MYO1D: variants seen among roughly 807,000 people sequenced by gnomAD.
MYO1D encodes myosin ID.
Under a neutral mutation model 122.0 loss-of-function variants are expected in MYO1D, and 83 were observed. The observed-to-expected ratio is 0.68, with a 90% CI of 0.57 to 0.82. The LOEUF (loss-of-function observed/expected upper bound fraction) is 0.82. Ranked by LOEUF, MYO1D falls within the 40% of genes least tolerant of loss-of-function variation. The pLI is 0.00. For missense variants in MYO1D, 1,157 were observed against 1,269.5 expected (o/e 0.91, Z 1.35); for synonymous variants, 464 against 446.9 (o/e 1.04, Z -0.48).
At chr17:32,875,662 C>T (rs2091221533) in intron 1 of MYO1D, among the ~76,000 whole-genome samples, 1 of 152,154 alleles carries the variant, frequency 6.6e-6, no homozygotes, top group African/African-American at 2.4e-5. Flanking sequence ...AATGTAACAT[C>T]CTATCATTAT....
At chr17:32,732,501 C>A (rs150121713) in intron 14 of MYO1D, among the ~76,000 whole-genome samples, 2 of 152,056 alleles carry the variant, frequency 1.3e-5, no homozygotes, top group African/African-American at 2.4e-5. Flanking sequence ...GATGATGGGA[C>A]GACCTGCCTG....
At chr17:32,869,205 C>A (rs2091157218) in intron 1 of MYO1D, among the ~76,000 whole-genome samples, 1 of 150,366 alleles carries the variant, frequency 6.7e-6, no homozygotes, top group Non-Finnish European at 1.5e-5. Flanking sequence ...GGCAACAGAG[C>A]GAGGCCCTGT....
intron 19 of MYO1D, among the ~76,000 whole-genome samples, chr17:32,641,042 C>T (rs940368019): frequency 4.0e-5 from 6 of 151,130 alleles, no homozygotes; most frequent in African/African-American, 4.9e-5. Flanking sequence ...CCCATTAACT[C>T]GTCATTTAAA....
chr17:32,638,842 G>A lies in MYO1D; in HGVS notation c.2596-7C>T. ...CCTTACTAAATCGATTTACCTGTAA[G>A]AGAACAAACCAATAAACCATAGTAT... On this transcript the variant is annotated splice_polypyrimidine_tract_variant and splice_region_variant and intron_variant, in intron 19 of 21. Coordinates refer to ENST00000318217, the MANE Select transcript of MYO1D (RefSeq NM_015194.3). 6.3e-7 allele frequency: 1 copy of A among 1,579,404 alleles called. No homozygotes were observed.
In MYO1D at chr17:32,748,946, C is replaced by T. The variant is rs764917583; in HGVS notation, c.1528G>A (p.Gly510Ser). Residue 510 changes from glycine to serine, a missense_variant, in exon 12 of 22, where the codon GGC becomes AGC. Transcript: ENST00000318217. ...AGGTAAGATACTCACACTACATCGC[C>T]TGCATAATGTCGAATTCGAAAATCT... ...DRDFRIRHYA[G>S]DVVYSVIGFI... The T allele has an allele frequency of 3.1e-6, 5 of 1,613,302 alleles. No homozygotes were observed. The Admixed American group carries it at 5.0e-5, about 16-fold the overall frequency.
chr17:32,548,800 G>C (rs537009829), intron 21 of MYO1D, among the ~76,000 whole-genome samples: 27 of 149,248 alleles, frequency 1.8e-4, no homozygotes, highest in Non-Finnish European at 2.7e-4. Context: ...TGCAACCTCT[G>C]CCTCCCGGGT....
intron 1 of MYO1D, among the ~76,000 whole-genome samples, chr17:32,822,031 CCA>C (rs1336691421): frequency 6.6e-6 from 1 of 152,114 alleles, no homozygotes; most frequent in Non-Finnish European, 1.5e-5. Flanking sequence ...TGGGTATATA[CCA>C]AAAGGATTAT....
intron 21 of MYO1D, among the ~76,000 whole-genome samples, chr17:32,507,892 CTTTTTTTTT>C (rs34271237): frequency 9.1e-6 from 1 of 109,320 alleles, no homozygotes; most frequent in Admixed American, 9.5e-5. Flanking sequence ...CCATGCTGGA[CTTTTTTTTT>C]TTTTTTTTTT....
rs779844053 is a variant in MYO1D, at chr17:32,605,197, C to T, written c.2754G>A (p.Val918=). The T allele has an allele frequency of 1.9e-5, 31 of 1,605,866 alleles. No individual in the cohort carries two copies. The highest frequency in any genetic ancestry group is 5.0e-5 in the Admixed American group (3 of 59,952). ...SVSNGKDQLV[V]FHTKDNKDLI... is the part of the protein sequence containing the mutation. ...GGTCTTTGTTGTCTTTCGTATGGAA[C>T]ACTACAAGTTGGTCCTTTCCATTGG... The change falls in exon 21 of 22, where the codon GTG becomes GTA. Residue 918 remains valine (V), a synonymous_variant. Coordinates refer to ENST00000318217, the MANE Select transcript of MYO1D (RefSeq NM_015194.3).
intron 14 of MYO1D, among the ~76,000 whole-genome samples, chr17:32,736,921 A>G (rs553647506): frequency 6.6e-6 from 1 of 152,168 alleles, no homozygotes; most frequent in South Asian, 2.1e-4. Context: ...CTCCAGTGCC[A>G]GTGTCCTTAC....
At chr17:32,845,888 T>C (rs2090933559) in intron 1 of MYO1D, among the ~76,000 whole-genome samples, 1 of 152,162 alleles carries the variant, frequency 6.6e-6, no homozygotes, top group South Asian at 2.1e-4. Flanking sequence ...AAGGAAAATA[T>C]TATTTGAGCA....
chr17:32,608,917 G>C (rs920748402), intron 20 of MYO1D, among the ~76,000 whole-genome samples: 1 of 152,206 alleles, frequency 6.6e-6, no homozygotes, highest in South Asian at 2.1e-4. Flanking sequence ...AAAGGTTACA[G>C]CCTGTGTGAC....
chr17:32,583,766 G>T (rs1465766741), intron 21 of MYO1D, among the ~76,000 whole-genome samples: 4 of 151,290 alleles, frequency 2.6e-5, no homozygotes, highest in Non-Finnish European at 2.9e-5. Flanking sequence ...TTGAGGCAAG[G>T]TCTTGATCTG....
chr17:32,610,084 G>C (rs1333007278), intron 20 of MYO1D, among the ~76,000 whole-genome samples: 1 of 152,164 alleles, frequency 6.6e-6, no homozygotes, highest in East Asian at 1.9e-4. Context: ...AACTCTGCCA[G>C]CATATCCCAG....
chr17:32,594,699 T>C, intron 21 of MYO1D: 1 of 412,650 alleles, frequency 2.4e-6, no homozygotes, highest in Non-Finnish European at 4.3e-6. Context: ...ATCTATTCAG[T>C]TCTGATGTTC....
rs1192098799 is a variant in MYO1D, at chr17:32,654,583, G to C, written c.2384C>G (p.Ser795Ter). ...ASQLIKSIPA[S>*]DLPQVRAKVA... The stretch of plus-strand genomic sequence containing the variant: ...CTTTGCCCTGACCTGGGGCAGGTCT[G>C]AGGCCGGAATGCTCTTGATGAGCTG... The change falls in exon 18 of 22, where the codon TCA becomes TGA. Residue 795 changes from serine (S) to a stop codon, truncating the protein, a stop_gained. Transcript: ENST00000318217. LOFTEE classifies it high-confidence loss of function. 18 of 1,613,762 alleles carry C rather than the reference G, an allele frequency of 1.1e-5. No individual in the cohort carries two copies. The highest frequency in any genetic ancestry group is 1.5e-5 in the Non-Finnish European group (18 of 1,179,836).
chr17:32,876,975 G>A lies in MYO1D; in HGVS notation c.-103C>T. ...GGCCGGGGCGAGGCCGCGCCGCGAG[G>A]CTACGGGGAGGGGGCGCGCACGCCG... On this transcript the variant is annotated 5_prime_UTR_variant, in exon 1 of 22. Transcript: ENST00000318217. 1.7e-6 allele frequency: 1 copy of A among 581,058 alleles called. No homozygotes were observed. The highest frequency in any genetic ancestry group is 4.5e-5 in the East Asian group (1 of 22,380). 36.0% of individuals were successfully genotyped at this position (581,058 alleles called of 1,614,324 possible).
chr17:32,557,180 G>A (rs141170518), intron 21 of MYO1D, among the ~76,000 whole-genome samples: 6 of 151,460 alleles, frequency 4.0e-5, no homozygotes, highest in Non-Finnish European at 7.4e-5. Context: ...GTTCAGTGGC[G>A]TGATCTCGGC....
intron 21 of MYO1D, among the ~76,000 whole-genome samples, chr17:32,600,991 A>G (rs368726656): frequency 5.6e-5 from 8 of 143,736 alleles, no homozygotes; most frequent in African/African-American, 1.8e-4. Flanking sequence ...TTGTTCTGTC[A>G]CCCAGGTTGA....
Sources: gnomAD v4.1 joint callset for allele counts (sites outside exome capture counted in the v4.1 genomes callset) on GRCh38, gnomAD v4.1.1 for gene constraint, MANE v1.5 for transcripts, NCBI Gene and HGNC (gene_info 2026-07-23, HGNC 2026-07-21) for gene names.